Variants in ZNF335 observed in about 807,000 individuals in gnomAD.
ZNF335 encodes the protein NRC-interacting factor 1.
In ZNF335, 84 loss-of-function variants were observed where a neutral mutation model predicts 145.6. The observed-to-expected ratio is 0.58, with a 90% CI of 0.48 to 0.69. The LOEUF (loss-of-function observed/expected upper bound fraction) is 0.69. Among genes scored for constraint, ZNF335 ranks in the 30% least tolerant of loss-of-function variants. The probability of loss-of-function intolerance (pLI) is 0.00; values close to 1 mark genes in which losing one functional copy is unlikely to be tolerated. For missense variants in ZNF335, 1,865 were observed against 1,809.7 expected (o/e 1.03, Z -0.55); for synonymous variants, 761 against 717.0 (o/e 1.06, Z -0.98).
chr20:45,971,845 C>G, intron 1 of ZNF335: 1 of 985,320 alleles, frequency 1.0e-6, no homozygotes, highest in Non-Finnish European at 1.2e-6. Flanking sequence ...GTTCGCTCCC[C>G]CCCGGTTCCC....
chr20:45,962,318 C>G, intron 9 of ZNF335, 136 bp from the exon 10 acceptor site: 2 of 688,154 alleles, frequency 2.9e-6, no homozygotes, highest in Non-Finnish European at 5.1e-6. Flanking sequence ...ACAACACACC[C>G]CGACGCAAGG....
At chr20:45,962,588 T>G (rs2083864704) in intron 9 of ZNF335, among the ~76,000 whole-genome samples, 1 of 152,138 alleles carries the variant, frequency 6.6e-6, no homozygotes, top group Non-Finnish European at 1.5e-5. Flanking sequence ...GGGCTCGCTC[T>G]GACCACCGTG....
rs2083788988 is a variant in ZNF335, at chr20:45,959,348, T to G, written c.2106A>C (p.Ala702=). Residue 702 remains alanine, a synonymous_variant, in exon 15 of 28, where the codon GCA becomes GCC. Transcript: ENST00000322927. ...GCCTCCCCCATTCCTCGAAGCTGCT[T>G]GCGTGTCGGCACCGTACGTGCAGGC... is the stretch of plus-strand genomic sequence containing the variant. ...NLRLHVRCRH[A]SSFEEWGRRH... 22 of 1,585,760 alleles carry G rather than the reference T, an allele frequency of 1.4e-5. No individual in the cohort carries two copies. The highest frequency in any genetic ancestry group is 2.7e-5 in the African/African-American group (2 of 73,662).
intron 18 of ZNF335, 104 bp downstream of exon 18, chr20:45,953,585 G>A: frequency 4.8e-6 from 7 of 1,455,624 alleles, no homozygotes; most frequent in Non-Finnish European, 6.6e-6. Context: ...GATGTGTATT[G>A]GGATTTTTGC....
intron 2 of ZNF335, chr20:45,969,991 T>G (rs2084030172): frequency 3.4e-6 from 1 of 290,714 alleles, no homozygotes; most frequent in Admixed American, 4.7e-5. Context: ...TCGTTCCCTC[T>G]GCCTGAAACT....
chr20:45,954,278 C>G (rs1212678387), intron 17 of ZNF335, among the ~76,000 whole-genome samples: 2 of 152,122 alleles, frequency 1.3e-5, no homozygotes, highest in African/African-American at 4.8e-5. Flanking sequence ...CCGCTGAACA[C>G]CCCATAATGC....
chr20:45,952,203 CA>C lies in ZNF335; in HGVS notation c.3132del (p.Gly1045ValfsTer51). 6.2e-7 allele frequency: 1 copy of C among 1,612,646 alleles called. No individual in the cohort carries two copies. The highest frequency in any genetic ancestry group is 8.5e-7 in the Non-Finnish European group (1 of 1,179,716). On this transcript the variant is annotated frameshift_variant, in exon 20 of 28. Coordinates refer to ENST00000322927, the MANE Select transcript of ZNF335 (RefSeq NM_022095.4). LOFTEE classifies it high-confidence loss of function. ...MESHKRAHAGPGAFKCPDCPF... is the reference protein window; with the variant it reads ...MESHKRAHAGXGAFKCPDCPF... ...GGGCAGTCGGGGCACTTGAAGGCAC[CA>C]GGCCCAGCGTGGGCCCGCTTGTGAC...
At chr20:45,956,941 A>G (rs903595772) in intron 17 of ZNF335, among the ~76,000 whole-genome samples, 3 of 152,172 alleles carry the variant, frequency 2.0e-5, no homozygotes, top group Admixed American at 2.0e-4. Context: ...ACTTCTATAC[A>G]CCCCTAACTG....
At chr20:45,959,662 T>C (rs576294272) in intron 14 of ZNF335, among the ~76,000 whole-genome samples, 2 of 152,188 alleles carry the variant, frequency 1.3e-5, no homozygotes, top group African/African-American at 4.8e-5. Flanking sequence ...TGCAAAGTCA[T>C]GTGACTACAA....
chr20:45,966,526 A>G (rs1264775577), intron 6 of ZNF335, among the ~76,000 whole-genome samples: 1 of 151,190 alleles, frequency 6.6e-6, no homozygotes, highest in African/African-American at 2.4e-5. Context: ...TGGGCAACTC[A>G]GCAAGACTCT....
rs755476992 is a variant in ZNF335 at position 45,965,759 on chromosome 20, T to C, written c.971A>G (p.Asn324Ser). Residue 324 changes from asparagine to serine, a missense_variant, in exon 7 of 28, where the codon AAT becomes AGT. By Grantham distance (46) the Asn-to-Ser change is conservative (BLOSUM62 1). Coordinates refer to ENST00000322927, the MANE Select transcript of ZNF335 (RefSeq NM_022095.4). ...IDDLEEDSDY[N>S]PAEDEPRGRQ... ...GCCTCGGGGCTCATCCTCAGCTGGA[T>C]TATAGTCGCTATCCTCTGTGGGGGA... The C allele has an allele frequency of 5.0e-6, 8 of 1,604,642 alleles. No individual in the cohort carries two copies. The highest frequency in any genetic ancestry group is 1.7e-5 in the Admixed American group (1 of 59,392).
chr20:45,958,407 G>A (rs1005262725), intron 15 of ZNF335, among the ~76,000 whole-genome samples: 8 of 152,226 alleles, frequency 5.3e-5, no homozygotes, highest in African/African-American at 1.7e-4. Flanking sequence ...AAGGCTCAGA[G>A]AGGTGAAGTG....
intron 10 of ZNF335, among the ~76,000 whole-genome samples, chr20:45,961,171 A>T (rs1177359212): frequency 6.6e-6 from 1 of 152,206 alleles, no homozygotes; most frequent in East Asian, 1.9e-4. Context: ...TAAGGCCCGG[A>T]GTTTGAGACC....
chr20:45,950,166 C>T, intron 22 of ZNF335, 53 bp downstream of exon 22: 1 of 1,581,264 alleles, frequency 6.3e-7, no homozygotes, highest in Middle Eastern at 1.8e-4. Context: ...GGCAGTGGCC[C>T]AAGTCTCTGG....
At chr20:45,972,044 G>A (rs2084083254) in intron 1 of ZNF335, 78 bp downstream of exon 1, 4 of 1,253,930 alleles carry the variant, frequency 3.2e-6, no homozygotes, top group Admixed American at 2.5e-5. Context: ...CTGGGACCTC[G>A]CCTCCGGGTA....
At chr20:45,950,428 C>A in intron 21 of ZNF335, 25 bp downstream of exon 21, 1 of 1,613,866 alleles carries the variant, frequency 6.2e-7, no homozygotes, top group Non-Finnish European at 8.5e-7. Context: ...CCCAGCAGTC[C>A]CCACCCACCA....
intron 24 of ZNF335, 107 bp from the exon 25 acceptor site, chr20:45,949,675 A>G: frequency 6.9e-7 from 1 of 1,446,372 alleles, no homozygotes; most frequent in Non-Finnish European, 9.5e-7. Context: ...ACCAGCAACA[A>G]TGCAGTTGTT....
chr20:45,963,338 A>T, intron 9 of ZNF335, 135 bp downstream of exon 9: 1 of 1,034,868 alleles, frequency 9.7e-7, no homozygotes, highest in South Asian at 1.6e-5. Context: ...AGTGAGCCAG[A>T]CACGCGTTCT....
chr20:45,958,053 T>C (rs2083761770), intron 15 of ZNF335, 125 bp from the exon 16 acceptor site: 4 of 727,818 alleles, frequency 5.5e-6, no homozygotes, highest in Non-Finnish European at 9.2e-6. Context: ...ATAACCACTT[T>C]TCTTTTTTTT....
Sources: allele counts gnomAD v4.1 joint callset (sites outside exome capture counted in the v4.1 genomes callset), GRCh38; gene constraint gnomAD v4.1.1; transcripts MANE v1.5; gene names NCBI Gene and HGNC (gene_info 2026-07-23, HGNC 2026-07-21).